Variants in DPYSL4 observed in about 807,000 individuals in gnomAD.
The protein encoded by DPYSL4 is dihydropyrimidinase-related protein 4.
In DPYSL4, 43 loss-of-function variants were observed where a neutral mutation model predicts 63.4. The ratio of observed to expected loss-of-function variants is 0.68; its 90% confidence interval spans 0.53 to 0.88. DPYSL4 has a LOEUF of 0.88. Among genes scored for constraint, DPYSL4 ranks in the 40% least tolerant of loss-of-function variants. The pLI is 0.00. For missense variants in DPYSL4, 733 were observed against 819.5 expected, an observed-to-expected ratio of 0.89 and a Z score of 1.29; for synonymous variants, 353 against 331.7, an observed-to-expected ratio of 1.06 and a Z score of -0.70.
At position 132,192,855 on chromosome 10, in the gene DPYSL4, G is replaced by T. The variant is rs765941321; in HGVS notation, c.313+13G>T. 4.4e-6 allele frequency: 7 copies of T among 1,597,430 alleles called. No homozygotes were observed. Among genetic ancestry groups the T allele is most frequent in the Admixed American group, 1.7e-5 (1 of 58,670 alleles). ...ACCACCATGATCTGTGAGTGTCTGG[G>T]TCTCCTCCTCTACAGGGGGCAGCCA... On this transcript the variant is annotated intron_variant, in intron 3 of 13. Transcript: ENST00000338492.
In DPYSL4 at chr10:132,200,524, C is replaced by G. The variant is rs563056512; in HGVS notation, c.968+12C>G. Reference sequence around the variant, plus strand: ...TGCTTGCTGTCCAGGTAAGCAGCCTCTCCAGGTGGCCCCAGGTTGGCCGCC... The same window carrying G: ...TGCTTGCTGTCCAGGTAAGCAGCCTGTCCAGGTGGCCCCAGGTTGGCCGCC... On this transcript the variant is annotated intron_variant, in intron 9 of 13. Coordinates refer to ENST00000338492, the MANE Select transcript of DPYSL4 (RefSeq NM_006426.3). 1.4e-5 allele frequency: 23 copies of G among 1,612,372 alleles called. No individual in the cohort carries two copies. In the East Asian group the frequency reaches 5.1e-4, roughly 36 times the overall value.
chr10:132,204,072 G>C, intron 13 of DPYSL4, 145 bp downstream of exon 13: 1 of 1,115,726 alleles, frequency 9.0e-7, no homozygotes, highest in South Asian at 1.6e-5. Context: ...GCTGCTGGGG[G>C]TGTTGTGGGG....
At chr10:132,200,052 C>T (rs1431964485) in intron 8 of DPYSL4, among the ~76,000 whole-genome samples, 2 of 152,170 alleles carry the variant, frequency 1.3e-5, no homozygotes, top group African/African-American at 2.4e-5. Flanking sequence ...GCCTCGCAGC[C>T]CACAGGCACG....
chr10:132,198,646 C>T (rs982422853), intron 7 of DPYSL4, among the ~76,000 whole-genome samples, 163 bp downstream of exon 7: 1 of 152,200 alleles, frequency 6.6e-6, no homozygotes, highest in African/African-American at 2.4e-5. Flanking sequence ...ACTTGTCCTC[C>T]ATCCCCCCAC....
intron 1 of DPYSL4, among the ~76,000 whole-genome samples, chr10:132,187,866 G>C (rs1319053640): frequency 1.3e-5 from 2 of 152,218 alleles, no homozygotes; most frequent in African/African-American, 2.4e-5. Flanking sequence ...GGGGAGATGG[G>C]GGTGGGAGGA....
At chr10:132,202,551 C>T in intron 11 of DPYSL4, 95 bp from the exon 12 acceptor site, 1 of 1,511,268 alleles carries the variant, frequency 6.6e-7, no homozygotes, top group South Asian at 1.3e-5. Flanking sequence ...GGGCCTGCTC[C>T]ACGCTGGGCG....
chr10:132,186,994 T>TCCGCCCCCCCCCCCCCCCC lies in DPYSL4; in HGVS notation c.-68_-67insGCCCCCCCCCCCCCCCCCC. On this transcript the variant is annotated 5_prime_UTR_variant, in exon 1 of 14. Coordinates refer to ENST00000338492, the MANE Select transcript of DPYSL4 (RefSeq NM_006426.3). ...CCACGCACGCGTCCCGGCTCACGCG[T>TCCGCCCCCCCCCCCCCCCC]CCCCCCGCCCGCCCGCCCGCCCGCC... 2.3e-5 allele frequency: 5 copies of TCCGCCCCCCCCCCCCCCCC among 217,372 alleles called. No homozygotes were observed. Among genetic ancestry groups the TCCGCCCCCCCCCCCCCCCC allele is most frequent in the South Asian group, 7.5e-5 (1 of 13,406 alleles). The allele number at this position is 217,372 out of a possible 1,614,324, so 13.5% of individuals were successfully genotyped here.
chr10:132,198,189 A>G (rs2061969162), intron 6 of DPYSL4, among the ~76,000 whole-genome samples: 1 of 152,136 alleles, frequency 6.6e-6, no homozygotes, highest in Non-Finnish European at 1.5e-5. Flanking sequence ...TGGGGGAGCC[A>G]CTTTCCCCTA....
Position 132,204,822 on chromosome 10 carries a change from CTG to C in DPYSL4, c.1628-14_1628-13del, listed in dbSNP as rs760281735. 4.5e-5 allele frequency: 72 copies of C among 1,599,696 alleles called. No individual in the cohort carries two copies. In the East Asian group the frequency reaches 1.6e-3, roughly 35 times the overall value. The stretch of plus-strand genomic sequence containing the variant: ...CCCTGCCTCATTCTCCCCTGCCCAT[CTG>C]TGCCCTTTCTTCAGGGTCTCAGGCT... On this transcript the variant is annotated splice_polypyrimidine_tract_variant and intron_variant, in intron 13 of 13. Transcript: ENST00000338492.
At chr10:132,187,131 C>CTA in intron 1 of DPYSL4, 29 bp downstream of exon 1, 1 of 1,511,786 alleles carries the variant, frequency 6.6e-7, no homozygotes, top group South Asian at 1.2e-5. Context: ...CGCCCGGCGC[C>CTA]CCCTGCCCGC....
At chr10:132,203,295 C>T (rs1452416658) in intron 12 of DPYSL4, among the ~76,000 whole-genome samples, 1 of 152,142 alleles carries the variant, frequency 6.6e-6, no homozygotes, top group East Asian at 1.9e-4. Flanking sequence ...CCCCCCATGG[C>T]CTTCCAGTCT....
chr10:132,202,462 T>C (rs2062031218), intron 11 of DPYSL4, among the ~76,000 whole-genome samples, 184 bp from the exon 12 acceptor site: 1 of 152,178 alleles, frequency 6.6e-6, no homozygotes, highest in African/African-American at 2.4e-5. Flanking sequence ...ACGAGGTCCG[T>C]AGGCCGAGGG....
At chr10:132,190,072 C>T (rs1180795292) in intron 1 of DPYSL4, among the ~76,000 whole-genome samples, 2 of 152,368 alleles carry the variant, frequency 1.3e-5, no homozygotes, top group Non-Finnish European at 2.9e-5. Flanking sequence ...TATCAGCCAC[C>T]CTGGCCCCAG....
chr10:132,198,905 C>T lies in DPYSL4; in HGVS notation c.745C>T (p.Pro249Ser). Residue 249 changes from proline (P) to serine (S), a missense_variant, in exon 8 of 14, where the codon CCG (proline) becomes TCG (serine). Pro to Ser is a moderately conservative substitution (Grantham distance 74, BLOSUM62 -1). Transcript: ENST00000338492. ...CACCATCGCCAAGCAGGCAAACTGC[C>T]CGCTGTACGTCACCAAGGTGATGAG... ...AVTIAKQANC[P>S]LYVTKVMSKG... is the part of the protein sequence containing the mutation. The T allele has an allele frequency of 2.5e-6, 4 of 1,612,980 alleles. No homozygotes were observed. Among genetic ancestry groups the T allele is most frequent in the East Asian group, 2.2e-5 (1 of 44,884 alleles).
intron 10 of DPYSL4, among the ~76,000 whole-genome samples, chr10:132,201,672 T>A (rs1565045969): frequency 6.6e-6 from 1 of 152,214 alleles, no homozygotes; most frequent in Admixed American, 6.5e-5. Flanking sequence ...CCTGTCCTGA[T>A]CTTGGCTGCC....
intron 4 of DPYSL4, among the ~76,000 whole-genome samples, chr10:132,195,260 T>C (rs1344672073): frequency 6.6e-6 from 1 of 152,158 alleles, no homozygotes; most frequent in Non-Finnish European, 1.5e-5. Flanking sequence ...AGCAGATCCG[T>C]CGTTTCTTAG....
At chr10:132,199,605 T>C (rs1432651887) in intron 8 of DPYSL4, among the ~76,000 whole-genome samples, 1 of 147,760 alleles carries the variant, frequency 6.8e-6, no homozygotes, top group Non-Finnish European at 1.5e-5. Flanking sequence ...TGGTTTCCCC[T>C]CCTCCTGCTG....
In DPYSL4 at chr10:132,198,483, G is replaced by C; in HGVS notation, c.690G>C (p.Glu230Asp). Reference sequence around the variant, plus strand: ...GCCACGTGCTCAGCCACCCCGAGGAGGTAAGATCCCAGGGCACCACAGCAC... The same window carrying C: ...GCCACGTGCTCAGCCACCCCGAGGACGTAAGATCCCAGGGCACCACAGCAC... ...PEGHVLSHPE[E>D]VEAEAVYRAV... is the part of the protein sequence containing the mutation. The change falls in exon 7 of 14, where the codon GAG (glutamate) becomes GAC (aspartate). Residue 230 changes from glutamate to aspartate, a missense_variant and splice_region_variant. Transcript: ENST00000338492. 1 of 1,600,624 alleles carries C rather than the reference G, an allele frequency of 6.2e-7. No individual in the cohort carries two copies. Among genetic ancestry groups the C allele is most frequent in the Non-Finnish European group, 8.5e-7 (1 of 1,176,522 alleles).
chr10:132,203,069 G>A (rs2062041337), intron 12 of DPYSL4, among the ~76,000 whole-genome samples: 1 of 152,250 alleles, frequency 6.6e-6, no homozygotes, highest in Non-Finnish European at 1.5e-5. Context: ...AAGTGCCTGT[G>A]AACGGCAGCT....
Sources: allele counts gnomAD v4.1 joint callset (sites outside exome capture counted in the v4.1 genomes callset), GRCh38; gene constraint gnomAD v4.1.1; transcripts MANE v1.5; gene names NCBI Gene and HGNC (gene_info 2026-07-23, HGNC 2026-07-21).